The following DAPK2 variants were observed in gnomAD, a reference collection of about 807,000 sequenced individuals.
DAPK2 encodes the protein death associated protein kinase 2.
DAPK2 carries 35 observed loss-of-function variants against 44.1 expected under a neutral mutation model. The ratio of observed to expected loss-of-function variants is 0.79; its 90% CI spans 0.61 to 1.05. The LOEUF is 1.05. Among genes scored for constraint, DAPK2 ranks in the 50% least tolerant of loss-of-function variants. The pLI is 0.00. For synonymous variants in DAPK2, 174 were observed against 182.6 expected, an observed-to-expected ratio of 0.95 and a Z score of 0.38; for missense variants, 453 against 483.2, an observed-to-expected ratio of 0.94 and a Z score of 0.59.
At chr15:64,040,906 A>AAAG (rs888614267), upstream of DAPK2, among the ~76,000 whole-genome samples, 27 of 145,746 alleles carry the variant, frequency 1.9e-4, no homozygotes, top group African/African-American at 7.5e-4. Context: ...AGAAAAAAAA[A>AAAG]AAAAAAAAAA....
At chr15:64,037,192 C>T (rs2080234800) in intron 1 of DAPK2, among the ~76,000 whole-genome samples, 1 of 152,178 alleles carries the variant, frequency 6.6e-6, no homozygotes, top group African/African-American at 2.4e-5. Context: ...TGGATCTGGT[C>T]CCCACCCATG....
upstream of DAPK2, chr15:64,046,347 G>A (rs1414414248): frequency 1.4e-4 from 1 of 7,228 alleles, no homozygotes; most frequent in Non-Finnish European, 2.6e-4. This position sits in a 1 kb window ranked among gnomAD's most constrained non-coding sequence, Gnocchi z 5.3. Flanking sequence ...CGCGGCGGGA[G>A]CGGCGGGCGC....
chr15:63,908,347 G>A lies in DAPK2; in HGVS notation c.*173C>T, dbSNP rs2078699798. ...GCCTCCTCCACAGAAGACAGCCACA[G>A]CTCCCAGGGTCTCCTGGCTTGCCTG... On this transcript the variant is annotated 3_prime_UTR_variant, in exon 11 of 11. Transcript: ENST00000261891. The surrounding 1 kb of genome is among the most constrained non-coding windows in gnomAD (Gnocchi z 5.7). The A allele has an allele frequency of 2.3e-6, 1 of 434,712 alleles. No individual in the cohort carries two copies. The highest frequency in any genetic ancestry group is 4.1e-6 in the Non-Finnish European group (1 of 245,344). The allele number at this position is 434,712 out of a possible 1,614,324, so 26.9% of individuals were successfully genotyped here. A position where few individuals can be genotyped will look rare whatever the true frequency, so the allele number is the denominator to read the frequency against.
chr15:63,991,615 G>C (rs2078822264), intron 1 of DAPK2, among the ~76,000 whole-genome samples: 1 of 152,138 alleles, frequency 6.6e-6, no homozygotes, highest in Non-Finnish European at 1.5e-5. Context: ...CACCCATGAG[G>C]CCTAAAGGGG....
At position 63,978,835 on chromosome 15, in the gene DAPK2, T is replaced by C. The variant is rs551632025; in HGVS notation, c.314+4698A>G. On this transcript the variant is annotated intron_variant, in intron 2 of 10. Transcript: ENST00000261891. ...TCTTCTCCTAGTGTTCCCAGGATCATCCCCTTCCTGCAAATCTGACCTTTG... is the reference window on the plus strand; with the variant it reads ...TCTTCTCCTAGTGTTCCCAGGATCACCCCCTTCCTGCAAATCTGACCTTTG... Among the ~76,000 whole-genome samples the C allele has an allele frequency of 6.6e-5, 10 of 152,266 alleles. No homozygotes were observed. The East Asian group carries it at 1.7e-3, about 26-fold the overall frequency.
At chr15:64,010,169 C>A (rs1397251940) in intron 1 of DAPK2, among the ~76,000 whole-genome samples, 1 of 152,170 alleles carries the variant, frequency 6.6e-6, no homozygotes, top group Non-Finnish European at 1.5e-5. Flanking sequence ...CCCACAGAGT[C>A]AGGAACTCTG....
At chr15:64,003,016 C>G (rs1453393354) in intron 1 of DAPK2, among the ~76,000 whole-genome samples, 114 of 46,836 alleles carry the variant, frequency 2.4e-3, no homozygotes, top group Middle Eastern at 0.015. Context: ...GTGTGTGTGT[C>G]GTGGGACCAG....
At chr15:64,032,550 T>C (rs1468156703) in intron 1 of DAPK2, among the ~76,000 whole-genome samples, 2 of 152,126 alleles carry the variant, frequency 1.3e-5, no homozygotes, top group Non-Finnish European at 2.9e-5. Context: ...TGCTTAGCAC[T>C]TGGGGGAATG....
At chr15:64,033,333 A>AC (rs2080084363) in intron 1 of DAPK2, among the ~76,000 whole-genome samples, 1 of 109,396 alleles carries the variant, frequency 9.1e-6, no homozygotes, top group Non-Finnish European at 1.9e-5. Flanking sequence ...AGGAAAAAAA[A>AC]AATAGCTGCT....
rs79211372 is a variant in DAPK2 at position 63,985,686 on chromosome 15, C to T, written c.93-1932G>A. Among the ~76,000 whole-genome samples, 5 of 152,336 alleles carry T rather than the reference C, an allele frequency of 3.3e-5. No individual in the cohort carries two copies. The East Asian group carries it at 9.6e-4, about 29-fold the overall frequency. ...AGGGCTTGGCTTGGCATCCAAATCC[C>T]CCAGCTCCCAGCCCTGCACTGTGTT... is the stretch of plus-strand genomic sequence containing the variant. On this transcript the variant is annotated intron_variant, in intron 1 of 10. Coordinates refer to ENST00000261891, the Ensembl canonical transcript of DAPK2.
chr15:63,969,795 G>A (rs2140726837), intron 3 of DAPK2, among the ~76,000 whole-genome samples: 1 of 152,038 alleles, frequency 6.6e-6, no homozygotes, highest in Admixed American at 6.6e-5. Flanking sequence ...ATGCTAAGGG[G>A]ACTCATAGAA....
intron 4 of DAPK2, among the ~76,000 whole-genome samples, chr15:63,938,204 G>C (rs904641780): frequency 3.3e-5 from 5 of 152,234 alleles, no homozygotes; most frequent in Non-Finnish European, 7.3e-5. Context: ...ATAATGGGAA[G>C]AGCACAGGCT....
chr15:64,000,186 T>TACACACAC, intron 1 of DAPK2, among the ~76,000 whole-genome samples: 1 of 147,936 alleles, frequency 6.8e-6, no homozygotes, highest in Middle Eastern at 3.4e-3. Context: ...CTACTACTAC[T>TACACACAC]ACACACACAC....
rs1308775043 is a variant in DAPK2, at chr15:64,046,311, G to C, written c.-20C>G. On this transcript the variant is annotated 5_prime_UTR_variant, in exon 1 of 12. Coordinates refer to the DAPK2 transcript ENST00000457488. The surrounding 1 kb of genome is among the most constrained non-coding windows in gnomAD (Gnocchi z 5.3). ...GGTGCTACTCACGGCGGGAGGCTGA[G>C]CTGCCGCGGTCGCGGCCGCGGCAGG... 1.0e-6 allele frequency: 1 copy of C among 980,782 alleles called. No individual in the cohort carries two copies. The highest frequency in any genetic ancestry group is 1.2e-6 in the Non-Finnish European group (1 of 828,194). The allele number at this position is 980,782 out of a possible 1,614,324, so 60.8% of individuals were successfully genotyped here.
At chr15:63,964,155 A>C (rs1314709250) in intron 3 of DAPK2, among the ~76,000 whole-genome samples, 1 of 152,210 alleles carries the variant, frequency 6.6e-6, no homozygotes, top group Non-Finnish European at 1.5e-5. Context: ...TGACATCCTC[A>C]GATTTTCTTT....
chr15:64,002,072 T>G (rs2079099204), intron 1 of DAPK2, among the ~76,000 whole-genome samples: 1 of 152,162 alleles, frequency 6.6e-6, no homozygotes, highest in African/African-American at 2.4e-5. Flanking sequence ...ATCCTCTCAT[T>G]TTACACTCTC....
At chr15:64,040,567 T>C (rs2086149784), upstream of DAPK2, among the ~76,000 whole-genome samples, 1 of 152,092 alleles carries the variant, frequency 6.6e-6, no homozygotes, top group Non-Finnish European at 1.5e-5. Context: ...CAGCTATTTG[T>C]TTTCATTAAA....
At chr15:63,963,065 C>G (rs570547135) in intron 3 of DAPK2, among the ~76,000 whole-genome samples, 293 of 152,176 alleles carry the variant, frequency 1.9e-3, no homozygotes, top group African/African-American at 6.3e-3. Context: ...TGCCCCTCCC[C>G]AAGCCTTGCT....
chr15:63,926,187 G>A, intron 6 of DAPK2, 94 bp from the exon 8 acceptor site: 1 of 1,444,938 alleles, frequency 6.9e-7, no homozygotes, highest in Non-Finnish European at 9.4e-7. Context: ...GACTGCTGCA[G>A]GGAGCTGGAA....
Sources: allele counts gnomAD v4.1 joint callset (sites outside exome capture counted in the v4.1 genomes callset), GRCh38; gene constraint gnomAD v4.1.1; non-coding constraint Gnocchi (gnomAD v3.1); transcripts MANE v1.5; gene names NCBI Gene and HGNC (gene_info 2026-07-23, HGNC 2026-07-21).